Variants in COX10 observed in about 807,000 individuals in gnomAD.
The protein encoded by COX10 is cytochrome c oxidase assembly factor heme A:farnesyltransferase COX10.
In COX10, 27 loss-of-function variants were observed where a neutral mutation model predicts 37.3. The ratio of observed to expected loss-of-function variants is 0.72; its 90% CI spans 0.53 to 1.00. The LOEUF is 1.00. COX10 is among the 50% of genes least tolerant of loss of function. The pLI, the probability that COX10 is intolerant of heterozygous loss-of-function variation, is 0.00. For synonymous variants in COX10, 222 were observed against 229.1 expected (o/e 0.97, Z 0.28); for missense variants, 475 against 563.2 (o/e 0.84, Z 1.59).
chr17:14,105,783 G>A (rs1246702426), intron 4 of COX10, among the ~76,000 whole-genome samples: 1 of 151,972 alleles, frequency 6.6e-6, no homozygotes, highest in Non-Finnish European at 1.5e-5. Flanking sequence ...TGCTTTTGTA[G>A]TGCCTATATC....
chr17:14,130,570 G>A (rs930034240), intron 4 of COX10, among the ~76,000 whole-genome samples: 18 of 151,992 alleles, frequency 1.2e-4, no homozygotes, highest in African/African-American at 4.1e-4. Context: ...ACTGAGGCCT[G>A]TACCATCTAC....
chr17:14,190,619 C>T (rs957260806), intron 5 of COX10, among the ~76,000 whole-genome samples: 1 of 152,144 alleles, frequency 6.6e-6, no homozygotes, highest in South Asian at 2.1e-4. Flanking sequence ...CAGTGCTGGC[C>T]CCTATAGCAG....
At chr17:14,174,155 G>C (rs2532453) in intron 5 of COX10, among the ~76,000 whole-genome samples, 87,074 of 150,390 alleles carry the variant, frequency 0.58, 25,674 homozygotes, top group Non-Finnish European at 0.62. Context: ...ATTAAGAAAA[G>C]AACCTTAAAA....
At chr17:14,198,241 G>T (rs933279714) in intron 6 of COX10, among the ~76,000 whole-genome samples, 2 of 152,110 alleles carry the variant, frequency 1.3e-5, no homozygotes, top group African/African-American at 4.8e-5. Context: ...TAAGTGCCCA[G>T]CCGACATTCC....
At chr17:14,096,435 C>T (rs184822961) in intron 3 of COX10, among the ~76,000 whole-genome samples, 83 of 143,216 alleles carry the variant, frequency 5.8e-4, no homozygotes, top group Middle Eastern at 4.0e-3. Context: ...AGTGCAGTGG[C>T]ACCATCATAG....
Position 14,207,082 on chromosome 17 carries a change from G to C in COX10, c.1201G>C (p.Val401Leu), listed in dbSNP as rs372982577. 1.9e-6 allele frequency: 3 copies of C among 1,613,934 alleles called. No individual in the cohort carries two copies. Among genetic ancestry groups the C allele is most frequent in the Non-Finnish European group, 1.7e-6 (2 of 1,179,950 alleles). Residue 401 changes from valine to leucine, a missense_variant, in exon 7 of 7, where the codon GTG becomes CTG. Transcript: ENST00000261643. ...CTCCTACCTCGGCTTCCGCTTCTAC[G>C]TGGACGCAGACCGCAGGAGCTCGCG... ...YISYLGFRFY[V>L]DADRRSSRRL... is the part of the protein sequence containing the mutation.
intron 4 of COX10, among the ~76,000 whole-genome samples, chr17:14,153,334 G>A (rs1482122523): frequency 1.1e-4 from 17 of 152,114 alleles, no homozygotes; most frequent in Non-Finnish European, 2.9e-5. Flanking sequence ...TTCTCTTCAA[G>A]CTCCTTGATA....
At chr17:14,201,399 A>G (rs1906537255) in intron 6 of COX10, among the ~76,000 whole-genome samples, 1 of 152,146 alleles carries the variant, frequency 6.6e-6, no homozygotes, top group South Asian at 2.1e-4. Flanking sequence ...GTGATTTCCA[A>G]ACCTCCTTCA....
intron 5 of COX10, among the ~76,000 whole-genome samples, chr17:14,183,425 C>G (rs1905925328): frequency 6.6e-6 from 1 of 152,084 alleles, no homozygotes; most frequent in South Asian, 2.1e-4. Flanking sequence ...ACACCCTGTT[C>G]AACTCTATTT....
At chr17:14,128,633 T>C (rs1916395760) in intron 4 of COX10, among the ~76,000 whole-genome samples, 1 of 152,118 alleles carries the variant, frequency 6.6e-6, no homozygotes, top group African/African-American at 2.4e-5. Flanking sequence ...ATAAAAATGC[T>C]TTCACCAAAA....
At chr17:14,082,217 G>A (rs191929409) in intron 3 of COX10, among the ~76,000 whole-genome samples, 2 of 152,136 alleles carry the variant, frequency 1.3e-5, no homozygotes, top group African/African-American at 4.8e-5. Context: ...GGAAATAAAT[G>A]GTCAGAGGGA....
At chr17:14,182,322 G>A in intron 5 of COX10, 1 of 886,338 alleles carries the variant, frequency 1.1e-6, no homozygotes, top group Non-Finnish European at 1.4e-6. Context: ...GTCTGTGTAT[G>A]TGAAACCACA....
At chr17:14,182,038 C>G (rs182882314) in intron 5 of COX10, 2 of 981,184 alleles carry the variant, frequency 2.0e-6, no homozygotes, top group East Asian at 2.3e-4. Flanking sequence ...TTCTTCTCAT[C>G]CTTCTAGATT....
chr17:14,076,160 G>T (rs1915145779), intron 2 of COX10, among the ~76,000 whole-genome samples: 1 of 119,754 alleles, frequency 8.4e-6, no homozygotes, highest in African/African-American at 3.3e-5. Context: ...GTGTCGTTCA[G>T]GCTGGAGTAC....
chr17:14,203,603 G>C (rs968443676), intron 6 of COX10, among the ~76,000 whole-genome samples: 45 of 152,196 alleles, frequency 3.0e-4, no homozygotes, highest in African/African-American at 9.9e-4. Context: ...TCTGCACTCT[G>C]TGCTGTTGAG....
At chr17:14,161,469 A>G (rs2142240706) in intron 5 of COX10, among the ~76,000 whole-genome samples, 1 of 152,304 alleles carries the variant, frequency 6.6e-6, no homozygotes, top group East Asian at 1.9e-4. Context: ...GGACTTAATT[A>G]TAGGTGTCAG....
chr17:14,102,761 CT>C (rs1190391885), intron 4 of COX10, among the ~76,000 whole-genome samples: 11 of 152,258 alleles, frequency 7.2e-5, no homozygotes, highest in African/African-American at 2.4e-4. Flanking sequence ...ACATCCCCCC[CT>C]ATTATTTTAA....
At chr17:14,069,738 G>C in intron 1 of COX10, 90 bp downstream of exon 1, 1 of 1,544,920 alleles carries the variant, frequency 6.5e-7, no homozygotes, top group Non-Finnish European at 8.9e-7. Context: ...TGCAACCTTG[G>C]GGAGCCCTTG....
intron 4 of COX10, among the ~76,000 whole-genome samples, chr17:14,124,114 T>C (rs920606640): frequency 3.3e-5 from 5 of 152,198 alleles, no homozygotes; most frequent in Non-Finnish European, 7.4e-5. Context: ...TCAGGTTGCC[T>C]GACTCTTGTT....
Sources: gnomAD v4.1 joint callset for allele counts (sites outside exome capture counted in the v4.1 genomes callset) on GRCh38, gnomAD v4.1.1 for gene constraint, MANE v1.5 for transcripts, NCBI Gene and HGNC (gene_info 2026-07-23, HGNC 2026-07-21) for gene names.